The following TMEM25 variants were observed in gnomAD, a reference collection of about 807,000 sequenced individuals.
TMEM25 encodes transmembrane protein 25.
A neutral mutation model predicts 37.0 loss-of-function variants in TMEM25; 36 were observed. The observed-to-expected ratio is 0.97, with a 90% confidence interval of 0.75 to 1.28. The LOEUF (loss-of-function observed/expected upper bound fraction) is 1.28. TMEM25 is among the 50% of genes most tolerant of loss of function. TMEM25 has a pLI of 0.00. For synonymous variants in TMEM25, 197 were observed against 203.7 expected, an observed-to-expected ratio of 0.97 and a Z score of 0.28; for missense variants, 444 against 477.9, an observed-to-expected ratio of 0.93 and a Z score of 0.66.
In TMEM25 at chr11:118,531,930, C is replaced by A. The variant is rs1210355667; in HGVS notation, c.70+59C>A. Reference sequence around the variant, plus strand: ...CTGGGTTCCAAAGCCCCCTCTCTCCCCTGTCTGCACTTCTGTTTGGGTACC... The same window carrying A: ...CTGGGTTCCAAAGCCCCCTCTCTCCACTGTCTGCACTTCTGTTTGGGTACC... On this transcript the variant is annotated intron_variant, in intron 2 of 8. Coordinates refer to ENST00000313236, the MANE Select transcript of TMEM25 (RefSeq NM_032780.4). The A allele has an allele frequency of 2.0e-6, 3 of 1,536,492 alleles. No individual in the cohort carries two copies. The African/African-American group carries it at 4.1e-5, about 21-fold the overall frequency.
chr11:118,545,107 T>A lies in TMEM25; in HGVS notation c.1028-1012T>A, dbSNP rs1053956833. The A allele has an allele frequency of 6.4e-6, 6 of 941,712 alleles. No homozygotes were observed. The African/African-American group carries it at 9.8e-5, about 15-fold the overall frequency. The allele number at this position is 941,712 out of a possible 1,614,324, so 58.3% of individuals were successfully genotyped here. A position where few individuals can be genotyped will look rare whatever the true frequency, so the allele number is the denominator to read the frequency against. On this transcript the variant is annotated intron_variant, in intron 8 of 8. Coordinates refer to the TMEM25 transcript ENST00000354284. ...TTTCTTTAAAATGAACCCCCTTTAT[T>A]TCCTTCCTGCTTCCATTCATGAGGG...
At chr11:118,543,672 A>C (rs782689078) in intron 8 of TMEM25, among the ~76,000 whole-genome samples, 4 of 152,012 alleles carry the variant, frequency 2.6e-5, no homozygotes, top group African/African-American at 4.8e-5. Context: ...TTTTTAGTAG[A>C]GACAGGGTTT....
downstream of TMEM25, among the ~76,000 whole-genome samples, chr11:118,537,821 C>T (rs903517962): frequency 3.3e-5 from 5 of 152,078 alleles, no homozygotes; most frequent in African/African-American, 1.2e-4. Flanking sequence ...GAGGCCGAGG[C>T]GGGTGGATCG....
rs1265761188 is a variant in TMEM25, at chr11:118,534,336, C to A, written c.1008C>A (p.Gly336=). ...CAGAGCTTCTGGACCCGGAGCCCGGCGGCCTCCTCACCAGCCAAGGTACTG... is the reference window on the plus strand; with the variant it reads ...CAGAGCTTCTGGACCCGGAGCCCGGAGGCCTCCTCACCAGCCAAGGTACTG... ...SRPELLDPEP[G]GLLTSQGFIR... is the part of the protein sequence containing the mutation. Residue 336 remains glycine (G), a synonymous_variant, in exon 8 of 9, where the codon GGC becomes GGA. Coordinates refer to ENST00000313236, the MANE Select transcript of TMEM25 (RefSeq NM_032780.4). The surrounding 1 kb of genome is among the most constrained non-coding windows in gnomAD (Gnocchi z 4.6). 2 of 1,614,058 alleles carry A rather than the reference C, an allele frequency of 1.2e-6. No homozygotes were observed. The highest frequency in any genetic ancestry group is 1.7e-6 in the Non-Finnish European group (2 of 1,179,992).
chr11:118,542,877 C>T (rs1555065925), intron 8 of TMEM25, among the ~76,000 whole-genome samples: 1 of 151,972 alleles, frequency 6.6e-6, no homozygotes, highest in African/African-American at 2.4e-5. Context: ...CGCACCACTG[C>T]ACTCCAGCCT....
At chr11:118,532,811 C>T in intron 3 of TMEM25, 106 bp from the exon 4 acceptor site, 1 of 1,467,188 alleles carries the variant, frequency 6.8e-7, no homozygotes, top group Non-Finnish European at 9.2e-7. Context: ...TCAGCATCCC[C>T]TCTGAGGAGA....
chr11:118,533,068 C>T lies in TMEM25; in HGVS notation c.534C>T (p.Asp178=), dbSNP rs200294993. 4 of 1,614,162 alleles carry T rather than the reference C, an allele frequency of 2.5e-6. No individual in the cohort carries two copies. In the East Asian group the frequency reaches 6.7e-5, roughly 27 times the overall value. ...QDGPVTVNTS[D]FLVLDAQNYP... is the part of the protein sequence containing the mutation. ...GGCCAGTGACTGTCAACACCTCTGA[C>T]TTCCTGGTGCTGGATGCGCAGAACT... The change falls in exon 4 of 9, where the codon GAC becomes GAT. Residue 178 remains aspartate (D), a synonymous_variant. Coordinates refer to ENST00000313236, the MANE Select transcript of TMEM25 (RefSeq NM_032780.4).
chr11:118,541,475 A>AG (rs1555065357), intron 8 of TMEM25, among the ~76,000 whole-genome samples: 4 of 137,344 alleles, frequency 2.9e-5, no homozygotes, highest in Admixed American at 7.4e-5. Context: ...AAAAAAAAAA[A>AG]AAAAGAAAAA....
chr11:118,533,857 GC>G lies in TMEM25; in HGVS notation c.810del (p.Ser271ProfsTer6). The G allele has an allele frequency of 6.2e-7, 1 of 1,614,020 alleles. No individual in the cohort carries two copies. On this transcript the variant is annotated frameshift_variant and splice_region_variant, in exon 6 of 9. Coordinates refer to ENST00000313236, the MANE Select transcript of TMEM25 (RefSeq NM_032780.4). LOFTEE classifies it high-confidence loss of function. ...AGGGACATGGTTTCTTTCTCCACAG[GC>G]CCCTCCCGGCACCCATCTCTGATAT... is the stretch of plus-strand genomic sequence containing the variant. ...LVCRKEKKTK[G>X]PSRHPSLISS...
rs782475458 is a variant in TMEM25 at position 118,533,113 on chromosome 11, C to T, written c.579C>T (p.His193=). 6.2e-7 allele frequency: 1 copy of T among 1,613,464 alleles called. No individual in the cohort carries two copies. Among genetic ancestry groups the T allele is most frequent in the Non-Finnish European group, 8.5e-7 (1 of 1,180,038 alleles). The change falls in exon 4 of 9, where the codon CAC becomes CAT. Residue 193 remains histidine, a synonymous_variant. Transcript: ENST00000313236. ...DAQNYPWLTN[H]TVQLQLRSLA... is the part of the protein sequence containing the mutation. Reference sequence around the variant, plus strand: ...AGAACTACCCCTGGCTCACCAACCACACGGTGCAGCTGCAGCTCCGCAGCC... The same window carrying T: ...AGAACTACCCCTGGCTCACCAACCATACGGTGCAGCTGCAGCTCCGCAGCC...
intron 8 of TMEM25, chr11:118,545,588 G>A: frequency 1.7e-6 from 2 of 1,180,176 alleles, no homozygotes; most frequent in East Asian, 2.3e-5. Context: ...TGGCAGATGG[G>A]GTGTCGCTAT....
downstream of TMEM25, chr11:118,546,661 T>C (rs1591357445): frequency 6.4e-6 from 1 of 157,208 alleles, no homozygotes; most frequent in East Asian, 1.9e-4. Flanking sequence ...CATGCTATTT[T>C]TTCCCCCGAT....
downstream of TMEM25, among the ~76,000 whole-genome samples, chr11:118,536,035 G>A (rs1037459931): frequency 6.6e-6 from 1 of 151,718 alleles, no homozygotes; most frequent in Non-Finnish European, 1.5e-5. Flanking sequence ...CTACCACCAC[G>A]CCCATCTAAT....
chr11:118,540,890 G>A (rs1188396460), intron 8 of TMEM25, among the ~76,000 whole-genome samples: 1 of 152,176 alleles, frequency 6.6e-6, no homozygotes, highest in Non-Finnish European at 1.5e-5. Context: ...TATATGAAAT[G>A]TCCAGAGTAG....
chr11:118,535,885 T>G (rs890414273), downstream of TMEM25: 3 of 1,049,726 alleles, frequency 2.9e-6, no homozygotes, highest in African/African-American at 5.1e-5. Context: ...TTGTTTTATT[T>G]TGTTTCGTTT....
chr11:118,533,996 T>C (rs782401927), intron 6 of TMEM25, 33 bp from the exon 7 acceptor site: 1 of 1,613,552 alleles, frequency 6.2e-7, no homozygotes, highest in Non-Finnish European at 8.5e-7. Flanking sequence ...GTGCCGGGAC[T>C]CATATCCATC....
chr11:118,532,523 C>G, intron 3 of TMEM25, 62 bp downstream of exon 3: 1 of 1,534,772 alleles, frequency 6.5e-7, no homozygotes, highest in African/African-American at 1.4e-5. Flanking sequence ...CAGCACCCAC[C>G]AGGCAGGTGG....
At position 118,531,196 on chromosome 11, in the gene TMEM25, C is replaced by T; in HGVS notation, c.-66C>T. 2 of 539,160 alleles carry T rather than the reference C, an allele frequency of 3.7e-6. No individual in the cohort carries two copies. The highest frequency in any genetic ancestry group is 7.9e-5 in the East Asian group (2 of 25,324). The allele number at this position is 539,160 out of a possible 1,614,324, so 33.4% of individuals were successfully genotyped here. On this transcript the variant is annotated 5_prime_UTR_variant, in exon 1 of 9. Transcript: ENST00000313236. ...CAGCGGACTGCGGTGCTCATCAGAC[C>T]TGAGCAGTTGCTCCGGCGGCGCTCG...
chr11:118,535,429 T>C lies in TMEM25; in HGVS notation c.*849T>C, dbSNP rs2135416054. The C allele has an allele frequency of 4.1e-6, 6 of 1,471,660 alleles. No individual in the cohort carries two copies. Among genetic ancestry groups the C allele is most frequent in the South Asian group, 4.0e-5 (3 of 74,160 alleles). The allele number at this position is 1,471,660 out of a possible 1,614,324, so 91.2% of individuals were successfully genotyped here. A position where few individuals can be genotyped will look rare whatever the true frequency, so the allele number is the denominator to read the frequency against. On this transcript the variant is annotated 3_prime_UTR_variant, in exon 9 of 9. Coordinates refer to ENST00000313236, the MANE Select transcript of TMEM25 (RefSeq NM_032780.4). ...GTGAGTGAGGGGCCCAGAGCCCTCT[T>C]TGTGGCTTCCCCACGTTTGGCCTTC...
Sources: allele counts gnomAD v4.1 joint callset (sites outside exome capture counted in the v4.1 genomes callset), GRCh38; gene constraint gnomAD v4.1.1; non-coding constraint Gnocchi (gnomAD v3.1); transcripts MANE v1.5; gene names NCBI Gene and HGNC (gene_info 2026-07-23, HGNC 2026-07-21).